Variants in SGCD observed in about 807,000 individuals in gnomAD.
SGCD encodes sarcoglycan delta, also known as delta-sarcoglycan.
SGCD carries 18 observed loss-of-function variants against 36.6 expected under a neutral mutation model. The ratio of observed to expected loss-of-function variants is 0.49; its 90% confidence interval spans 0.34 to 0.73. SGCD has a LOEUF of 0.73. Among genes scored for constraint, SGCD ranks in the 30% least tolerant of loss-of-function variants. The probability of loss-of-function intolerance (pLI) is 0.01; values close to 1 mark genes in which losing one functional copy is unlikely to be tolerated. For synonymous variants in SGCD, 133 were observed against 130.6 expected (o/e 1.02, Z -0.12); for missense variants, 387 against 346.7 (o/e 1.12, Z -0.92).
the SGCD span, among the ~76,000 whole-genome samples, chr5:155,782,609 G>A: frequency 6.6e-6 from 1 of 152,196 alleles, no homozygotes; most frequent in Non-Finnish European, 1.5e-5. Context: ...TTCTAAGGCA[G>A]GGGGTCTCTA....
At chr5:155,985,924 GTT>G (rs1275014550) in intron 1 of SGCD, among the ~76,000 whole-genome samples, 2 of 152,192 alleles carry the variant, frequency 1.3e-5, no homozygotes, top group Middle Eastern at 3.4e-3. Flanking sequence ...AAGGCAATAG[GTT>G]TTTGATAAAA....
At chr5:156,591,951 A>T (rs937578291) in intron 5 of SGCD, among the ~76,000 whole-genome samples, 2 of 152,172 alleles carry the variant, frequency 1.3e-5, no homozygotes, top group African/African-American at 4.8e-5. Context: ...TGAGCTTCAG[A>T]TACCCAAAGG....
chr5:155,757,394 A>C, the SGCD span, among the ~76,000 whole-genome samples: 2 of 152,224 alleles, frequency 1.3e-5, no homozygotes, highest in African/African-American at 4.8e-5. Context: ...CAACAGGTAC[A>C]GGCTAAATGT....
At chr5:156,467,126 G>T (rs1020841069) in intron 3 of SGCD, among the ~76,000 whole-genome samples, 1 of 152,160 alleles carries the variant, frequency 6.6e-6, no homozygotes, top group Admixed American at 6.6e-5. Context: ...AATGGGGAAG[G>T]CTGTGTTCCA....
intron 1 of SGCD, among the ~76,000 whole-genome samples, chr5:156,013,318 C>T (rs1325034825): frequency 6.6e-6 from 1 of 152,170 alleles, no homozygotes; most frequent in African/African-American, 2.4e-5. Flanking sequence ...AGCTACTGCT[C>T]CTGGCCTAGG....
the SGCD span, among the ~76,000 whole-genome samples, chr5:155,798,830 CAT>C: frequency 1.3e-5 from 2 of 152,284 alleles, no homozygotes; most frequent in South Asian, 2.1e-4. Flanking sequence ...TAGGGAAAAA[CAT>C]ACTGTTTCCC....
intron 3 of SGCD, among the ~76,000 whole-genome samples, chr5:156,472,441 C>T (rs757319832): frequency 5.3e-5 from 8 of 151,888 alleles, no homozygotes; most frequent in African/African-American, 1.2e-4. Flanking sequence ...TTTTCGAGGC[C>T]GAGTCTCACT....
intron 4 of SGCD, among the ~76,000 whole-genome samples, chr5:156,551,487 G>A (rs1052348816): frequency 1.3e-5 from 2 of 152,076 alleles, no homozygotes; most frequent in African/African-American, 4.8e-5. Context: ...GGATGTGTGT[G>A]TTCACGGGAA....
chr5:155,828,994 T>G, the SGCD span, among the ~76,000 whole-genome samples: 1 of 152,062 alleles, frequency 6.6e-6, no homozygotes, highest in Non-Finnish European at 1.5e-5. Flanking sequence ...ATTATTATTA[T>G]TATTATATTA....
intron 3 of SGCD, among the ~76,000 whole-genome samples, chr5:156,184,435 G>C (rs1055864757): frequency 1.3e-5 from 2 of 149,440 alleles, no homozygotes; most frequent in African/African-American, 5.0e-5. Context: ...TATGCAAATA[G>C]TACTTGGATA....
At chr5:156,349,411 G>A (rs934777839) in intron 3 of SGCD, among the ~76,000 whole-genome samples, 14 of 151,344 alleles carry the variant, frequency 9.3e-5, no homozygotes, top group Non-Finnish European at 1.3e-4. Flanking sequence ...AAAAAAACAG[G>A]TGATCTCATT....
At chr5:156,524,169 T>C (rs1467309588) in intron 4 of SGCD, among the ~76,000 whole-genome samples, 1 of 92,042 alleles carries the variant, frequency 1.1e-5, no homozygotes, top group Non-Finnish European at 2.2e-5. Flanking sequence ...AAACTACAGT[T>C]TTATATAGGT....
At chr5:156,269,499 A>C (rs1160843605) in intron 3 of SGCD, among the ~76,000 whole-genome samples, 19 of 147,258 alleles carry the variant, frequency 1.3e-4, no homozygotes, top group African/African-American at 3.3e-4. Flanking sequence ...AAAAAAAAAA[A>C]AAAAAAAAAA....
chr5:156,686,059 T>C (rs1174444538), intron 7 of SGCD, among the ~76,000 whole-genome samples: 1 of 152,292 alleles, frequency 6.6e-6, no homozygotes. Context: ...TTTGAAAGAA[T>C]TTTACTCTTC....
the SGCD span, among the ~76,000 whole-genome samples, chr5:155,820,843 C>A: frequency 6.6e-6 from 1 of 152,024 alleles, no homozygotes. Context: ...CTGTTGAAAG[C>A]AAGTATTTGA....
At chr5:156,229,277 C>CACATATATGTAT (rs1554085595) in intron 3 of SGCD, among the ~76,000 whole-genome samples, 1 of 56,502 alleles carries the variant, frequency 1.8e-5, no homozygotes, top group Non-Finnish European at 3.3e-5. Context: ...TATATACATA[C>CACATATATGTAT]ATATATATAT....
chr5:155,822,683 G>A, the SGCD span, among the ~76,000 whole-genome samples: 1 of 152,310 alleles, frequency 6.6e-6, no homozygotes, highest in African/African-American at 2.4e-5. Context: ...AGTGTCATAA[G>A]TTGAATACAC....
At chr5:155,945,951 C>A (rs1757428450) in intron 1 of SGCD, among the ~76,000 whole-genome samples, 1 of 152,046 alleles carries the variant, frequency 6.6e-6, no homozygotes, top group Non-Finnish European at 1.5e-5. Flanking sequence ...TCAGATGTGA[C>A]AGGGTGGGAG....
At chr5:155,912,410 A>C (rs1756648706) in intron 1 of SGCD, among the ~76,000 whole-genome samples, 1 of 152,122 alleles carries the variant, frequency 6.6e-6, no homozygotes, top group African/African-American at 2.4e-5. Context: ...AAATGCCTTC[A>C]ACATTTTTCT....
Sources: allele counts gnomAD v4.1 joint callset (sites outside exome capture counted in the v4.1 genomes callset), GRCh38; gene constraint gnomAD v4.1.1; transcripts MANE v1.5; gene names NCBI Gene and HGNC (gene_info 2026-07-23, HGNC 2026-07-21).